The following CTNND1 variants were observed in gnomAD, a reference collection of about 807,000 sequenced individuals.
CTNND1 encodes the protein catenin delta 1, also known as catenin delta-1.
CTNND1 carries 16 observed loss-of-function variants against 112.1 expected under a neutral mutation model. That is an observed-to-expected ratio of 0.14 (90% CI 0.10 to 0.22). The LOEUF (loss-of-function observed/expected upper bound fraction) is 0.22. CTNND1 is among the 10% of genes least tolerant of loss of function. CTNND1 has a pLI of 1.00. For missense variants in CTNND1, 1,008 were observed against 1,257.0 expected (o/e 0.80, Z 3.00); for synonymous variants, 420 against 446.5 (o/e 0.94, Z 0.75).
intron 8 of CTNND1, 182 bp downstream of exon 8, chr11:57,803,986 C>T (rs2062337232): frequency 2.1e-6 from 1 of 467,994 alleles, no homozygotes; most frequent in Non-Finnish European, 3.7e-6. Context: ...ACCACATGTA[C>T]CTATATCAGT....
chr11:57,791,327 C>A, intron 2 of CTNND1, 58 bp from the exon 3 acceptor site: 1 of 1,258,890 alleles, frequency 7.9e-7, no homozygotes, highest in Non-Finnish European at 1.0e-6. Flanking sequence ...ATTAATAATT[C>A]ATCTGTCTTC....
chr11:57,766,644 C>A (rs1951139906), intron 1 of CTNND1, among the ~76,000 whole-genome samples: 1 of 152,132 alleles, frequency 6.6e-6, no homozygotes. Flanking sequence ...ATTGATGTAG[C>A]CTGGCAGGGA....
At position 57,817,425 on chromosome 11, in the gene CTNND1, C is replaced by G. The variant is rs1381660739; in HGVS notation, c.*1117C>G. ...CATCTCCTCCCGCCCTTCCATGTGC[C>G]TTTCTTTGCCTCTGCAGTCTCATTT... On this transcript the variant is annotated 3_prime_UTR_variant, in exon 21 of 21. Coordinates refer to ENST00000399050, the MANE Select transcript of CTNND1 (RefSeq NM_001085458.2). The G allele has an allele frequency of 1.3e-5, 2 of 152,654 alleles. No individual in the cohort carries two copies. Among genetic ancestry groups the G allele is most frequent in the African/African-American group, 4.8e-5 (2 of 41,432 alleles). 9.5% of individuals were successfully genotyped at this position (152,654 alleles called of 1,614,324 possible).
intron 1 of CTNND1, among the ~76,000 whole-genome samples, chr11:57,771,239 T>G (rs1423964051): frequency 6.6e-6 from 1 of 152,164 alleles, no homozygotes; most frequent in Non-Finnish European, 1.5e-5. Context: ...TACACTGAAG[T>G]ACAACAATAA....
intron 1 of CTNND1, among the ~76,000 whole-genome samples, chr11:57,776,457 G>A (rs1954256739): frequency 6.6e-6 from 1 of 152,160 alleles, no homozygotes; most frequent in Non-Finnish European, 1.5e-5. Context: ...ACCTTTCCCA[G>A]TCACATTCTT....
At chr11:57,762,381 T>A (rs899799971) in intron 1 of CTNND1, among the ~76,000 whole-genome samples, 4 of 152,226 alleles carry the variant, frequency 2.6e-5, no homozygotes, top group African/African-American at 9.6e-5. Flanking sequence ...TTTATTTTTC[T>A]GGATTAAGCT....
intron 6 of CTNND1, among the ~76,000 whole-genome samples, chr11:57,800,458 G>A (rs753080653): frequency 1.3e-5 from 2 of 151,952 alleles, no homozygotes; most frequent in African/African-American, 4.8e-5. Flanking sequence ...AGTAGAGATG[G>A]TGTTTTTCCA....
At chr11:57,791,792 C>A in intron 3 of CTNND1, 119 bp downstream of exon 3, 1 of 1,142,216 alleles carries the variant, frequency 8.8e-7, no homozygotes, top group Non-Finnish European at 1.2e-6. Flanking sequence ...CCCGTTCTTC[C>A]AGGGATTTTT....
intron 1 of CTNND1, among the ~76,000 whole-genome samples, chr11:57,779,058 G>A (rs1359325572): frequency 6.6e-6 from 1 of 152,204 alleles, no homozygotes; most frequent in Non-Finnish European, 1.5e-5. Flanking sequence ...GGATCTCTAG[G>A]ATTTAATTAA....
chr11:57,814,187 C>T, intron 17 of CTNND1, 124 bp from the exon 18 acceptor site: 1 of 688,322 alleles, frequency 1.5e-6, no homozygotes, highest in Non-Finnish European at 2.6e-6. Context: ...TTGTGATGCA[C>T]ATAGTTGGTG....
In CTNND1 at chr11:57,796,465, A is replaced by G; in HGVS notation, c.429A>G (p.Lys143=). 1 of 1,585,564 alleles carries G rather than the reference A, an allele frequency of 6.3e-7. No individual in the cohort carries two copies. The highest frequency in any genetic ancestry group is 8.6e-7 in the Non-Finnish European group (1 of 1,165,002). ...TTRRTETTVK[K]VVKTVTTRTV... ...TTGTTTCCTACTTGCAGGTCAAGAA[A>G]GTAGTGAAGACTGTGACAACACGGA... is the stretch of plus-strand genomic sequence containing the variant. Residue 143 remains lysine (K), a synonymous_variant, in exon 6 of 21, where the codon AAA becomes AAG. Transcript: ENST00000399050.
At chr11:57,766,361 T>C (rs1951079594) in intron 1 of CTNND1, among the ~76,000 whole-genome samples, 1 of 152,256 alleles carries the variant, frequency 6.6e-6, no homozygotes, top group Non-Finnish European at 1.5e-5. Context: ...AGTGTATTTT[T>C]TAAATCACTG....
At chr11:57,801,504 A>G (rs1201888814) in intron 6 of CTNND1, among the ~76,000 whole-genome samples, 1 of 152,230 alleles carries the variant, frequency 6.6e-6, no homozygotes, top group East Asian at 1.9e-4. Flanking sequence ...GACTTCAAAG[A>G]AAAAAATGTA....
intron 20 of CTNND1, 109 bp downstream of exon 20, chr11:57,816,110 G>C (rs2063947546): frequency 2.6e-6 from 3 of 1,162,962 alleles, no homozygotes; most frequent in Admixed American, 4.8e-5. Context: ...AGTAGTCTCA[G>C]CCACATGGGG....
At chr11:57,769,695 GC>G (rs1184682543) in intron 1 of CTNND1, among the ~76,000 whole-genome samples, 3 of 150,488 alleles carry the variant, frequency 2.0e-5, no homozygotes, top group Non-Finnish European at 4.4e-5. Context: ...GCGTTGCTTT[GC>G]CTCACTAACA....
intron 1 of CTNND1, among the ~76,000 whole-genome samples, chr11:57,781,323 AT>A (rs912136604): frequency 4.0e-5 from 6 of 150,272 alleles, no homozygotes; most frequent in South Asian, 2.1e-4. Context: ...TTCCATGAAT[AT>A]TTTTTTTTTC....
intron 6 of CTNND1, 41 bp downstream of exon 6, chr11:57,797,033 C>G (rs376294605): frequency 2.3e-4 from 328 of 1,409,182 alleles, no homozygotes; most frequent in Middle Eastern, 7.2e-4. Context: ...CTTTCCAAGA[C>G]CAGGGACAAG....
intron 1 of CTNND1, among the ~76,000 whole-genome samples, chr11:57,774,014 A>C (rs183321824): frequency 6.6e-6 from 1 of 152,194 alleles, no homozygotes; most frequent in East Asian, 1.9e-4. Flanking sequence ...GGGAGAGAGT[A>C]TGTCTTTTAA....
At chr11:57,794,633 A>G (rs983088764) in intron 4 of CTNND1, among the ~76,000 whole-genome samples, 2 of 151,714 alleles carry the variant, frequency 1.3e-5, no homozygotes, top group African/African-American at 4.9e-5. Flanking sequence ...TGAAAATACA[A>G]AATTAGTCAG....
Sources: gnomAD v4.1 joint callset for allele counts (sites outside exome capture counted in the v4.1 genomes callset) on GRCh38, gnomAD v4.1.1 for gene constraint, MANE v1.5 for transcripts, NCBI Gene and HGNC (gene_info 2026-07-23, HGNC 2026-07-21) for gene names.